The following CYP19A1 variants were observed in gnomAD, a reference collection of about 807,000 sequenced individuals.
CYP19A1 encodes the protein cytochrome P450 family 19 subfamily A member 1.
In CYP19A1, 32 loss-of-function variants were observed where a neutral mutation model predicts 44.4. The observed-to-expected ratio is 0.72, with a 90% CI of 0.54 to 0.97. The LOEUF is 0.97. CYP19A1 is among the 50% of genes least tolerant of loss of function. CYP19A1 has a pLI of 0.00. For missense variants in CYP19A1, 598 were observed against 637.8 expected (o/e 0.94, Z 0.67); for synonymous variants, 212 against 215.6 (o/e 0.98, Z 0.14).
At chr15:51,272,697 G>A (rs2035170557) in intron 1 of CYP19A1, among the ~76,000 whole-genome samples, 1 of 152,168 alleles carries the variant, frequency 6.6e-6, no homozygotes, top group Admixed American at 6.5e-5. Context: ...TTTTGCTAGA[G>A]CCTCCTCTAG....
At chr15:51,328,354 C>A (rs912365179) in intron 1 of CYP19A1, among the ~76,000 whole-genome samples, 7 of 152,204 alleles carry the variant, frequency 4.6e-5, no homozygotes, top group Non-Finnish European at 1.0e-4. Flanking sequence ...GAGGGACAGT[C>A]ACTTGTGATG....
intron 4 of CYP19A1, among the ~76,000 whole-genome samples, chr15:51,224,181 G>A (rs560053549): frequency 6.6e-6 from 1 of 152,114 alleles, no homozygotes; most frequent in Admixed American, 6.5e-5. Flanking sequence ...TCCCAAGATG[G>A]GTCATTGCCT....
intron 1 of CYP19A1, among the ~76,000 whole-genome samples, chr15:51,267,653 A>T (rs2034974799): frequency 6.6e-6 from 1 of 152,238 alleles, no homozygotes; most frequent in African/African-American, 2.4e-5. Flanking sequence ...CAAGAGTCCA[A>T]GCTCTCAAGC....
intron 1 of CYP19A1, among the ~76,000 whole-genome samples, chr15:51,282,580 C>G (rs1440551835): frequency 6.6e-6 from 1 of 152,220 alleles, no homozygotes; most frequent in Non-Finnish European, 1.5e-5. Flanking sequence ...TCCATACTTG[C>G]GTTGGCCACC....
Position 51,243,093 on chromosome 15 carries a change from T to A in CYP19A1, c.-38-143A>T. 9.1e-6 allele frequency: 6 copies of A among 657,282 alleles called. No homozygotes were observed. The Admixed American group carries it at 1.3e-4, about 14-fold the overall frequency. The allele number at this position is 657,282 out of a possible 1,614,324, so 40.7% of individuals were successfully genotyped here. A position where few individuals can be genotyped will look rare whatever the true frequency, so the allele number is the denominator to read the frequency against. ...CAGACATTTAGGCAAGACTAATTTA[T>A]GGTTACAAGTCAAAACAAGGAAGCC... On this transcript the variant is annotated intron_variant, in intron 1 of 9. Transcript: ENST00000396402.
At chr15:51,337,173 G>A (rs1208040761) in intron 1 of CYP19A1, among the ~76,000 whole-genome samples, 1 of 152,186 alleles carries the variant, frequency 6.6e-6, no homozygotes, top group Non-Finnish European at 1.5e-5. Flanking sequence ...ATTCCTACTT[G>A]GCACAAGTCC....
chr15:51,333,604 T>C (rs2036733967), intron 1 of CYP19A1, among the ~76,000 whole-genome samples: 2 of 152,200 alleles, frequency 1.3e-5, no homozygotes, highest in Non-Finnish European at 2.9e-5. Context: ...TTTGGAAAGG[T>C]GGTTTTAAAG....
chr15:51,308,391 C>A (rs953410404), intron 1 of CYP19A1, among the ~76,000 whole-genome samples: 2 of 152,116 alleles, frequency 1.3e-5, no homozygotes, highest in Middle Eastern at 3.2e-3. Context: ...CTTGTTTTTT[C>A]TTCCTTTGTT....
At chr15:51,274,752 C>G (rs545271538) in intron 1 of CYP19A1, among the ~76,000 whole-genome samples, 1 of 152,156 alleles carries the variant, frequency 6.6e-6, no homozygotes, top group Non-Finnish European at 1.5e-5. Context: ...CTGGCCCTCG[C>G]TCCTGTATAC....
At chr15:51,288,197 G>C (rs1456835169) in intron 1 of CYP19A1, among the ~76,000 whole-genome samples, 1 of 152,042 alleles carries the variant, frequency 6.6e-6, no homozygotes, top group South Asian at 2.1e-4. Flanking sequence ...TTTGCCTCCT[G>C]TCCCCAGCCC....
intron 6 of CYP19A1, among the ~76,000 whole-genome samples, chr15:51,217,785 G>T (rs2031716145): frequency 6.6e-6 from 1 of 152,094 alleles, no homozygotes; most frequent in African/African-American, 2.4e-5. Context: ...TAGAAGATAG[G>T]TTATATCTTA....
chr15:51,233,962 C>G (rs1466492107), intron 3 of CYP19A1, among the ~76,000 whole-genome samples: 1 of 152,176 alleles, frequency 6.6e-6, no homozygotes, highest in Non-Finnish European at 1.5e-5. Flanking sequence ...GCGCACATGC[C>G]TGACTTCTCC....
chr15:51,335,349 A>T (rs1200274044), intron 1 of CYP19A1, among the ~76,000 whole-genome samples: 1 of 152,172 alleles, frequency 6.6e-6, no homozygotes, highest in Non-Finnish European at 1.5e-5. Flanking sequence ...CCCGACTTGG[A>T]CCAAAATCTC....
In CYP19A1 at chr15:51,210,720, G is replaced by T; in HGVS notation, c.*88C>A. The T allele has an allele frequency of 1.1e-6, 1 of 901,288 alleles. No individual in the cohort carries two copies. Among genetic ancestry groups the T allele is most frequent in the Non-Finnish European group, 1.9e-6 (1 of 529,750 alleles). 55.8% of individuals were successfully genotyped at this position (901,288 alleles called of 1,614,324 possible). A position where few individuals can be genotyped will look rare whatever the true frequency, so the allele number is the denominator to read the frequency against. The stretch of plus-strand genomic sequence containing the variant: ...TGCCATGGGCCACTGAGTGTTCACT[G>T]TGAGGATGACACTATTGGCAAGGAT... On this transcript the variant is annotated 3_prime_UTR_variant, in exon 10 of 10. Transcript: ENST00000396402.
chr15:51,212,594 A>T (rs1198203014), intron 8 of CYP19A1, 33 bp from the exon 9 acceptor site: 1 of 1,352,688 alleles, frequency 7.4e-7, no homozygotes, highest in East Asian at 2.3e-5. Context: ...CAAAGAAGGT[A>T]ATGTTAGTTT....
intron 1 of CYP19A1, among the ~76,000 whole-genome samples, chr15:51,301,112 G>A (rs2036102842): frequency 6.6e-6 from 1 of 152,182 alleles, no homozygotes; most frequent in Non-Finnish European, 1.5e-5. Context: ...GCTGGGGCTT[G>A]GAATGATCAA....
chr15:51,272,725 G>A (rs1429499471), intron 1 of CYP19A1, among the ~76,000 whole-genome samples: 1 of 152,186 alleles, frequency 6.6e-6, no homozygotes, highest in Non-Finnish European at 1.5e-5. Context: ...CCAAACTCAT[G>A]TATGAAGTTT....
intron 9 of CYP19A1, 105 bp from the exon 10 acceptor site, chr15:51,211,161 G>A (rs1031634748): frequency 2.6e-6 from 2 of 778,694 alleles, no homozygotes; most frequent in African/African-American, 1.7e-5. Flanking sequence ...ACTGTTTTGG[G>A]GTTATCAGCT....
intron 1 of CYP19A1, among the ~76,000 whole-genome samples, chr15:51,274,129 C>T (rs2035223180): frequency 6.6e-6 from 1 of 152,162 alleles, no homozygotes. Context: ...CTGTCCACGG[C>T]AGGTGTGTGG....
Sources: gnomAD v4.1 joint callset for allele counts (sites outside exome capture counted in the v4.1 genomes callset) on GRCh38, gnomAD v4.1.1 for gene constraint, MANE v1.5 for transcripts, NCBI Gene and HGNC (gene_info 2026-07-23, HGNC 2026-07-21) for gene names.